Variants in IREB2 observed in about 807,000 individuals in gnomAD.
The protein encoded by IREB2 is iron-responsive element-binding protein 2.
Under a neutral mutation model 118.8 loss-of-function variants are expected in IREB2, and 39 were observed. The ratio of observed to expected loss-of-function variants is 0.33; its 90% confidence interval spans 0.25 to 0.43. The LOEUF is 0.43. Ranked by LOEUF, IREB2 falls within the 20% of genes least tolerant of loss-of-function variation. The pLI is 1.00. For synonymous variants in IREB2, 372 were observed against 392.2 expected, an observed-to-expected ratio of 0.95 and a Z score of 0.61; for missense variants, 900 against 1,147.3, an observed-to-expected ratio of 0.78 and a Z score of 3.11.
At position 78,438,656 on chromosome 15, in the gene IREB2, C is replaced by T. The variant is rs575203618; in HGVS notation, c.19+300C>T. On this transcript the variant is annotated intron_variant, in intron 1 of 21. Transcript: ENST00000258886. ...GCCTGCTGCCAGCGGCTTCCTGGCC[C>T]CCGTCAGCAACACCAGGGGCAGGGA... The T allele has an allele frequency of 3.7e-3, 1,818 of 493,570 alleles. 7 individuals carry two copies. The highest frequency in any genetic ancestry group is 5.4e-3 in the Non-Finnish European group (1,473 of 274,218). The allele number at this position is 493,570 out of a possible 1,614,324, so 30.6% of individuals were successfully genotyped here.
intron 18 of IREB2, among the ~76,000 whole-genome samples, chr15:78,492,542 T>C (rs969486045): frequency 1.4e-4 from 22 of 151,888 alleles, no homozygotes; most frequent in African/African-American, 4.6e-4. Flanking sequence ...ACCAAATCAT[T>C]GATGAAGGAA....
intron 18 of IREB2, 104 bp from the exon 19 acceptor site, chr15:78,493,805 G>T: frequency 9.6e-7 from 1 of 1,041,684 alleles, no homozygotes; most frequent in Non-Finnish European, 1.4e-6. Context: ...TTTTGTGTTT[G>T]AAATTTTCTG....
Position 78,498,162 on chromosome 15 carries a change from AC to A in IREB2, c.*21del, listed in dbSNP as rs781324922. Reference sequence around the variant, plus strand: ...CTCATAGTATCTACTTACCATAGATACCTTTCATAACTGGTAACTGCAAAGC... The same window carrying A: ...CTCATAGTATCTACTTACCATAGATACTTTCATAACTGGTAACTGCAAAGC... On this transcript the variant is annotated 3_prime_UTR_variant, in exon 22 of 22. Coordinates refer to ENST00000258886, the MANE Select transcript of IREB2 (RefSeq NM_004136.4). 4 of 1,346,500 alleles carry A rather than the reference AC, an allele frequency of 3.0e-6. No individual in the cohort carries two copies. Among genetic ancestry groups the A allele is most frequent in the Non-Finnish European group, 4.3e-6 (4 of 936,930 alleles). 83.4% of individuals were successfully genotyped at this position (1,346,500 alleles called of 1,614,324 possible). A position where few individuals can be genotyped will look rare whatever the true frequency, so the allele number is the denominator to read the frequency against.
intron 5 of IREB2, 58 bp from the exon 6 acceptor site, chr15:78,470,474 A>G (rs937171527): frequency 2.1e-5 from 23 of 1,109,848 alleles, no homozygotes; most frequent in Non-Finnish European, 2.9e-5. Flanking sequence ...CTTAGAAAGA[A>G]ACAAGGCAAG....
At chr15:78,463,636 AC>A (rs1225696435) in intron 3 of IREB2, among the ~76,000 whole-genome samples, 1 of 152,116 alleles carries the variant, frequency 6.6e-6, no homozygotes, top group Non-Finnish European at 1.5e-5. Flanking sequence ...TTGTTTAACT[AC>A]CTTCTTATGA....
chr15:78,478,387 A>C lies in IREB2; in HGVS notation c.1286A>C (p.Glu429Ala). 1.3e-6 allele frequency: 2 copies of C among 1,584,468 alleles called. No individual in the cohort carries two copies. Among genetic ancestry groups the C allele is most frequent in the Non-Finnish European group, 1.7e-6 (2 of 1,153,082 alleles). Residue 429 changes from glutamate to alanine, a missense_variant, in exon 10 of 22, where the codon GAA becomes GCA. Physicochemically the swap from Glu to Ala is moderately radical, Grantham distance 107. Transcript: ENST00000258886. ...RNDQNSSGEPEYSQVIQINLN... is the reference protein window; with the variant it reads ...RNDQNSSGEPAYSQVIQINLN... Reference sequence around the variant, plus strand: ...GACCAGAATTCTTCAGGAGAACCTGAATACTCCCAGGTATATGCAGAATAA... The same window carrying C: ...GACCAGAATTCTTCAGGAGAACCTGCATACTCCCAGGTATATGCAGAATAA...
intron 8 of IREB2, 74 bp downstream of exon 8, chr15:78,473,455 C>A: frequency 7.5e-7 from 1 of 1,334,508 alleles, no homozygotes; most frequent in Non-Finnish European, 1.1e-6. Flanking sequence ...TCTATGAGAG[C>A]AGGGATTTGG....
At chr15:78,438,426 C>CT in intron 1 of IREB2, 70 bp downstream of exon 1, 3 of 1,531,320 alleles carry the variant, frequency 2.0e-6, no homozygotes, top group Non-Finnish European at 2.7e-6. Context: ...GAATTCCTTG[C>CT]TTTTCTCGCC....
chr15:78,438,487 C>G, intron 1 of IREB2, 131 bp downstream of exon 1: 3 of 1,045,834 alleles, frequency 2.9e-6, no homozygotes, highest in Non-Finnish European at 4.3e-6. Flanking sequence ...TTGTGCTCCC[C>G]TCGGGGCCTG....
chr15:78,482,905 G>A (rs529961474), intron 10 of IREB2, among the ~76,000 whole-genome samples: 3 of 151,964 alleles, frequency 2.0e-5, no homozygotes, highest in Non-Finnish European at 4.4e-5. Context: ...CCACCACCAC[G>A]CCCGGCTAAT....
intron 2 of IREB2, among the ~76,000 whole-genome samples, chr15:78,454,161 A>C (rs2051068958): frequency 6.6e-6 from 1 of 152,246 alleles, no homozygotes; most frequent in Non-Finnish European, 1.5e-5. Context: ...TAAATTTACC[A>C]CGTAGCCCAG....
intron 2 of IREB2, among the ~76,000 whole-genome samples, chr15:78,443,659 T>C (rs1195200446): frequency 5.3e-5 from 8 of 152,058 alleles, no homozygotes; most frequent in South Asian, 4.2e-4. Context: ...TTTGTTTTGT[T>C]TTTTTGAGAC....
intron 2 of IREB2, among the ~76,000 whole-genome samples, chr15:78,461,885 T>C (rs2051203263): frequency 6.6e-6 from 1 of 152,208 alleles, no homozygotes; most frequent in African/African-American, 2.4e-5. Context: ...TATAGTTTTC[T>C]TTCTTTGTGA....
intron 8 of IREB2, chr15:78,473,640 T>G (rs1176186701): frequency 1.6e-5 from 6 of 373,976 alleles, no homozygotes; most frequent in Non-Finnish European, 2.4e-5. Flanking sequence ...ATACTATTAC[T>G]ATTCTCATTG....
chr15:78,457,639 A>G (rs1462564960), intron 2 of IREB2, among the ~76,000 whole-genome samples: 1 of 151,968 alleles, frequency 6.6e-6, no homozygotes, highest in Non-Finnish European at 1.5e-5. Context: ...CCCCATGTAG[A>G]CATTTTAAGT....
chr15:78,464,192 G>T (rs2051243377), intron 3 of IREB2, among the ~76,000 whole-genome samples: 1 of 152,200 alleles, frequency 6.6e-6, no homozygotes, highest in South Asian at 2.1e-4. Context: ...CACAGTAGAT[G>T]GAGTGACTTG....
chr15:78,461,561 T>A (rs534088169), intron 2 of IREB2, among the ~76,000 whole-genome samples: 1 of 152,316 alleles, frequency 6.6e-6, no homozygotes. Context: ...TGTTTATCCT[T>A]TACACACAAC....
chr15:78,439,838 A>G lies in IREB2; in HGVS notation c.63A>G (p.Ser21=), dbSNP rs1471122285. ...TTATTGAAACATTAAATGACAGTTC[A>G]CATAAGAAGTTCTTCGATGTATCTA... ...EYLIETLNDS[S]HKKFFDVSKL... is the part of the protein sequence containing the mutation. The change falls in exon 2 of 22, where the codon TCA becomes TCG. Residue 21 remains serine, a synonymous_variant. Coordinates refer to ENST00000258886, the MANE Select transcript of IREB2 (RefSeq NM_004136.4). 6.2e-7 allele frequency: 1 copy of G among 1,601,272 alleles called. No homozygotes were observed. Among genetic ancestry groups the G allele is most frequent in the Admixed American group, 1.7e-5 (1 of 58,184 alleles).
At chr15:78,483,864 A>G (rs1465863964) in intron 11 of IREB2, among the ~76,000 whole-genome samples, 1 of 684 alleles carries the variant, frequency 1.5e-3, no homozygotes, top group Non-Finnish European at 3.0e-3. Flanking sequence ...GCTCACTGCA[A>G]CCTCCCCCCT....
Sources: gnomAD v4.1 joint callset for allele counts (sites outside exome capture counted in the v4.1 genomes callset) on GRCh38, gnomAD v4.1.1 for gene constraint, MANE v1.5 for transcripts, NCBI Gene and HGNC (gene_info 2026-07-23, HGNC 2026-07-21) for gene names.